Variants in NRP2 observed in about 807,000 individuals in gnomAD.
NRP2 encodes neuropilin 2.
Under a neutral mutation model 110.4 loss-of-function variants are expected in NRP2, and 52 were observed. The observed-to-expected ratio is 0.47, with a 90% CI of 0.38 to 0.59. The LOEUF is 0.59. Among genes scored for constraint, NRP2 ranks in the 20% least tolerant of loss-of-function variants. The pLI, the probability that NRP2 is intolerant of heterozygous loss-of-function variation, is 0.00. For synonymous variants in NRP2, 508 were observed against 468.9 expected, an observed-to-expected ratio of 1.08 and a Z score of -1.08; for missense variants, 1,049 against 1,203.0, an observed-to-expected ratio of 0.87 and a Z score of 1.89.
chr2:205,721,520 AG>A (rs2057011607), intron 3 of NRP2, among the ~76,000 whole-genome samples: 2 of 152,168 alleles, frequency 1.3e-5, no homozygotes, highest in African/African-American at 4.8e-5. Context: ...GGCTGGTTAA[AG>A]CACAAGGACC....
intron 16 of NRP2, among the ~76,000 whole-genome samples, chr2:205,794,184 C>T (rs1187319820): frequency 6.6e-6 from 1 of 152,210 alleles, no homozygotes; most frequent in African/African-American, 2.4e-5. Context: ...AATCTCGGCT[C>T]ACTGCAAGCT....
chr2:205,695,102 G>C (rs2056395834), intron 1 of NRP2, among the ~76,000 whole-genome samples: 1 of 152,186 alleles, frequency 6.6e-6, no homozygotes, highest in Non-Finnish European at 1.5e-5. Context: ...TTATAAATTT[G>C]TAAGTATTGA....
At position 205,743,361 on chromosome 2, in the gene NRP2, G is replaced by A. The variant is rs762753258; in HGVS notation, c.1450G>A (p.Gly484Ser). 284 of 1,614,076 alleles carry A rather than the reference G, an allele frequency of 1.8e-4. 1 individual carries two copies. Among genetic ancestry groups the A allele is most frequent in the South Asian group, 1.5e-3 (141 of 91,080 alleles). Residue 484 changes from glycine (G) to serine (S), a missense_variant, in exon 9 of 17, where the codon GGT (glycine) becomes AGT (serine). Physicochemically the swap from Gly to Ser is moderately conservative, Grantham distance 56. Transcript: ENST00000357785. Reference protein sequence around the residue: ...WFPRIPQAQPGEEWLQVDLGT... With the variant: ...WFPRIPQAQPSEEWLQVDLGT... ...CCCTCGAATCCCTCAGGCCCAGCCC[G>A]GTGAGGAGTGGCTTCAGGTAGATCT...
rs2058031536 is a variant in NRP2 at position 205,772,069 on chromosome 2, C to A, written c.2425+5266C>A. ...AGTTCCTCAGGGGACCCTGGGCCATCTCTTGGGTTTCACTGAATGCTTCTC... is the reference window on the plus strand; with the variant it reads ...AGTTCCTCAGGGGACCCTGGGCCATATCTTGGGTTTCACTGAATGCTTCTC... On this transcript the variant is annotated intron_variant, in intron 15 of 16. Coordinates refer to ENST00000357785, the MANE Select transcript of NRP2 (RefSeq NM_003872.3). Among the ~76,000 whole-genome samples, 3 of 152,238 alleles carry A rather than the reference C, an allele frequency of 2.0e-5. No individual in the cohort carries two copies. The South Asian group carries it at 6.2e-4, about 32-fold the overall frequency.
chr2:205,771,244 A>G (rs1435561676), intron 15 of NRP2, among the ~76,000 whole-genome samples: 2 of 152,244 alleles, frequency 1.3e-5, no homozygotes, highest in Admixed American at 6.5e-5. Flanking sequence ...CTCATAAGGC[A>G]GATGGAAAGA....
At chr2:205,792,351 A>T in intron 16 of NRP2, 66 bp downstream of exon 16, 1 of 1,157,348 alleles carries the variant, frequency 8.6e-7, no homozygotes, top group Non-Finnish European at 1.3e-6. Flanking sequence ...GTGTCAACAA[A>T]AATAATGCTC....
At chr2:205,700,845 C>T (rs1481962425) in intron 2 of NRP2, 1 of 474,202 alleles carries the variant, frequency 2.1e-6, no homozygotes, top group South Asian at 1.5e-5. Context: ...TGGGCACCCA[C>T]AGGCTGTTTG....
In NRP2 at chr2:205,705,895, C is replaced by T. The variant is rs77254251; in HGVS notation, c.251+8174C>T. Among the ~76,000 whole-genome samples, 22 of 152,150 alleles carry T rather than the reference C, an allele frequency of 1.4e-4. 1 individual carries two copies. In the East Asian group the frequency reaches 4.1e-3, roughly 28 times the overall value. ...TATCCTTGACAAGCCTTTTCTTTTC[C>T]TTTTCTCTTTTTATTCCTTTTCTTT... On this transcript the variant is annotated intron_variant, in intron 2 of 16. Coordinates refer to ENST00000357785, the MANE Select transcript of NRP2 (RefSeq NM_003872.3).
At chr2:205,785,654 A>G (rs1193342707) in intron 15 of NRP2, among the ~76,000 whole-genome samples, 2 of 152,182 alleles carry the variant, frequency 1.3e-5, no homozygotes, top group African/African-American at 2.4e-5. Flanking sequence ...TTTATAGCCA[A>G]ACATGTCTCT....
chr2:205,686,744 G>A lies in NRP2; in HGVS notation c.73+3381G>A, dbSNP rs1300556584. Among the ~76,000 whole-genome samples the A allele has an allele frequency of 6.6e-6, 1 of 152,084 alleles. No individual in the cohort carries two copies. The highest frequency in any genetic ancestry group is 1.9e-4 in the East Asian group (1 of 5,166). On this transcript the variant is annotated intron_variant, in intron 1 of 16. Coordinates refer to ENST00000357785, the MANE Select transcript of NRP2 (RefSeq NM_003872.3). This position sits in a 1 kb window ranked among gnomAD's most constrained non-coding sequence, Gnocchi z 4.7. ...ATGCGTTGCGGCTTCTGCGGCTCCGGCTGAATTTCTTCTAAAAGATAGGAG... is the reference window on the plus strand; with the variant it reads ...ATGCGTTGCGGCTTCTGCGGCTCCGACTGAATTTCTTCTAAAAGATAGGAG...
intron 7 of NRP2, among the ~76,000 whole-genome samples, chr2:205,733,908 G>C (rs183470891): frequency 1.3e-5 from 2 of 152,168 alleles, no homozygotes; most frequent in Admixed American, 6.5e-5. Context: ...CGTCTCGATG[G>C]GGGTAACATA....
chr2:205,745,978 G>A, intron 10 of NRP2, 88 bp downstream of exon 10: 1 of 1,483,870 alleles, frequency 6.7e-7, no homozygotes, highest in Non-Finnish European at 9.4e-7. Flanking sequence ...GCTGTGGAGG[G>A]GGCAGCCATC....
At chr2:205,753,012 G>C (rs780552509) in intron 12 of NRP2, 37 bp downstream of exon 12, 1 of 1,611,904 alleles carries the variant, frequency 6.2e-7, no homozygotes, top group South Asian at 1.1e-5. Flanking sequence ...AAAGAGTTAA[G>C]GCCAGCTTGT....
intron 15 of NRP2, among the ~76,000 whole-genome samples, chr2:205,786,371 C>G (rs1447293354): frequency 6.6e-6 from 1 of 152,142 alleles, no homozygotes; most frequent in Non-Finnish European, 1.5e-5. Flanking sequence ...AAAAATCCAG[C>G]GATTTAACTG....
chr2:205,729,561 C>T (rs1045768490), intron 7 of NRP2, among the ~76,000 whole-genome samples: 3 of 152,144 alleles, frequency 2.0e-5, no homozygotes, highest in Admixed American at 6.5e-5. Context: ...GGGTGGTCCC[C>T]GGGGAGAGGA....
intron 1 of NRP2, among the ~76,000 whole-genome samples, chr2:205,687,235 C>A (rs2056191620): frequency 6.6e-6 from 1 of 152,156 alleles, no homozygotes; most frequent in African/African-American, 2.4e-5. Flanking sequence ...TCAGACAAAT[C>A]CTGAAAGAGA....
At chr2:205,754,837 C>T (rs569884040) in intron 12 of NRP2, among the ~76,000 whole-genome samples, 5 of 152,066 alleles carry the variant, frequency 3.3e-5, no homozygotes, top group Non-Finnish European at 7.4e-5. Flanking sequence ...GTATGTACCT[C>T]AGCAGAGGCG....
At chr2:205,719,305 G>A (rs977816504) in intron 3 of NRP2, among the ~76,000 whole-genome samples, 2 of 152,148 alleles carry the variant, frequency 1.3e-5, no homozygotes, top group South Asian at 2.1e-4. Flanking sequence ...CACAGTGTGA[G>A]TGCAGACCAG....
At chr2:205,775,731 C>A (rs748606088) in intron 15 of NRP2, among the ~76,000 whole-genome samples, 2 of 152,174 alleles carry the variant, frequency 1.3e-5, no homozygotes, top group Non-Finnish European at 2.9e-5. Flanking sequence ...GCCAGCCAGA[C>A]CAAATATGGT....
Sources: gnomAD v4.1 joint callset for allele counts (sites outside exome capture counted in the v4.1 genomes callset) on GRCh38, gnomAD v4.1.1 for gene constraint, Gnocchi (gnomAD v3.1) non-coding constraint, MANE v1.5 for transcripts, NCBI Gene and HGNC (gene_info 2026-07-23, HGNC 2026-07-21) for gene names.